The following CFAP77 variants were observed in gnomAD, a reference collection of about 807,000 sequenced individuals.
The protein encoded by CFAP77 is cilia and flagella associated protein 77.
In CFAP77, 25 loss-of-function variants were observed where a neutral mutation model predicts 31.1. The observed-to-expected ratio is 0.80, with a 90% CI of 0.59 to 1.12. The LOEUF (loss-of-function observed/expected upper bound fraction) is 1.12. CFAP77 is among the 50% of genes most tolerant of loss of function. The pLI is 0.00. For missense variants in CFAP77, 377 were observed against 397.3 expected (o/e 0.95, Z 0.44); for synonymous variants, 151 against 159.9 (o/e 0.94, Z 0.42).
intron 5 of CFAP77, among the ~76,000 whole-genome samples, chr9:132,546,650 G>C (rs903561294): frequency 6.6e-6 from 1 of 152,240 alleles, no homozygotes; most frequent in South Asian, 2.1e-4. Context: ...CGAGAGAGGA[G>C]AGGGACCAAA....
At position 132,539,294 on chromosome 9, in the gene CFAP77, TCACAACCAGCACCCTCCCCAAG is replaced by T. The variant is rs1475598523; in HGVS notation, c.630+1590_630+1611del. ...CCGGCGTGGCTAGTTGTCATGACAA[TCACAACCAGCACCCTCCCCAAG>T]CCTCTGAGCTGAGGGCTGGGCTGAG... On this transcript the variant is annotated intron_variant, in intron 4 of 5. Coordinates refer to ENST00000393216, the MANE Select transcript of CFAP77 (RefSeq NM_001282957.2). This position sits in a 1 kb window ranked among gnomAD's most constrained non-coding sequence, Gnocchi z 4.3. Among the ~76,000 whole-genome samples the T allele has an allele frequency of 6.6e-6, 1 of 151,934 alleles. No individual in the cohort carries two copies. Among genetic ancestry groups the T allele is most frequent in the Non-Finnish European group, 1.5e-5 (1 of 67,970 alleles).
chr9:132,531,068 A>G (rs1056880431), intron 3 of CFAP77, among the ~76,000 whole-genome samples: 3 of 152,098 alleles, frequency 2.0e-5, no homozygotes, highest in East Asian at 3.9e-4. Context: ...TTGAATTGCA[A>G]TCTCCCTCCA....
At chr9:132,456,947 G>T (rs1850927629) in intron 1 of CFAP77, among the ~76,000 whole-genome samples, 1 of 151,958 alleles carries the variant, frequency 6.6e-6, no homozygotes, top group Non-Finnish European at 1.5e-5. Flanking sequence ...TCACCAAGTT[G>T]TTGCTCAGGC....
At chr9:132,461,255 G>A (rs1851045271) in intron 1 of CFAP77, among the ~76,000 whole-genome samples, 2 of 152,174 alleles carry the variant, frequency 1.3e-5, no homozygotes, top group Non-Finnish European at 2.9e-5. Context: ...TGGGCAAAGC[G>A]CCCCTCGTTT....
In CFAP77 at chr9:132,498,279, G is replaced by A. The variant is rs1379843311; in HGVS notation, c.196-416G>A. Among the ~76,000 whole-genome samples the A allele has an allele frequency of 1.3e-5, 2 of 152,072 alleles. No individual in the cohort carries two copies. The highest frequency in any genetic ancestry group is 2.4e-5 in the African/African-American group (1 of 41,382). ...TGGTATGAGGAAGGTGGGAATGAAG[G>A]TAGGAAAGATGTCTCCTTCCTTCGA... On this transcript the variant is annotated intron_variant, in intron 1 of 5. Coordinates refer to ENST00000393216, the MANE Select transcript of CFAP77 (RefSeq NM_001282957.2). The surrounding 1 kb of genome is among the most constrained non-coding windows in gnomAD (Gnocchi z 4.2).
chr9:132,433,859 C>A (rs1291175090), intron 1 of CFAP77, among the ~76,000 whole-genome samples: 1 of 150,540 alleles, frequency 6.6e-6, no homozygotes, highest in East Asian at 2.0e-4. Context: ...ATTTATTCAT[C>A]TTTTAAAACC....
At chr9:132,420,754 T>C (rs2131679806) in intron 1 of CFAP77, among the ~76,000 whole-genome samples, 1 of 152,116 alleles carries the variant, frequency 6.6e-6, no homozygotes, top group South Asian at 2.1e-4. Context: ...GAGCACATAA[T>C]GTGTACCAGG....
At chr9:132,515,092 C>T (rs576410792) in intron 3 of CFAP77, among the ~76,000 whole-genome samples, 33 of 152,280 alleles carry the variant, frequency 2.2e-4, no homozygotes, top group African/African-American at 7.9e-4. Flanking sequence ...GCCAGAACCA[C>T]TTGGCGGGGG....
At chr9:132,427,614 C>CA (rs891285807) in intron 1 of CFAP77, among the ~76,000 whole-genome samples, 67 of 149,956 alleles carry the variant, frequency 4.5e-4, no homozygotes, top group South Asian at 3.8e-3. Flanking sequence ...GACTCTGTCT[C>CA]AAAAAAAAAC....
At chr9:132,450,172 T>C (rs1397724422) in intron 1 of CFAP77, among the ~76,000 whole-genome samples, 3 of 151,332 alleles carry the variant, frequency 2.0e-5, no homozygotes, top group South Asian at 2.1e-4. Context: ...CCTTGTGATC[T>C]GCCCGCCTCG....
chr9:132,525,194 G>A (rs1852337762), intron 3 of CFAP77, among the ~76,000 whole-genome samples: 1 of 151,640 alleles, frequency 6.6e-6, no homozygotes, highest in Non-Finnish European at 1.5e-5. Flanking sequence ...TGATTTTTGT[G>A]TTTTTAGTAG....
chr9:132,426,626 A>G (rs1040926828), intron 1 of CFAP77, among the ~76,000 whole-genome samples: 18 of 152,156 alleles, frequency 1.2e-4, no homozygotes, highest in African/African-American at 4.3e-4. Flanking sequence ...TTTATTAACC[A>G]TCATCGTCTA....
chr9:132,481,513 C>T lies in CFAP77; in HGVS notation c.196-17182C>T, dbSNP rs904358514. On this transcript the variant is annotated intron_variant, in intron 1 of 5. Transcript: ENST00000393216. This position sits in a 1 kb window ranked among gnomAD's most constrained non-coding sequence, Gnocchi z 5.0. ...AGGTACCGAGCACAGTGGCTTGCACCCCGTCGGTGGCTGCTGCCCCGCTCC... is the reference window on the plus strand; with the variant it reads ...AGGTACCGAGCACAGTGGCTTGCACTCCGTCGGTGGCTGCTGCCCCGCTCC... Among the ~76,000 whole-genome samples, 1 of 152,210 alleles carries T rather than the reference C, an allele frequency of 6.6e-6. No individual in the cohort carries two copies. The highest frequency in any genetic ancestry group is 2.4e-5 in the African/African-American group (1 of 41,452).
chr9:132,491,002 T>TGG (rs1380658026), intron 1 of CFAP77, among the ~76,000 whole-genome samples: 3 of 152,010 alleles, frequency 2.0e-5, no homozygotes, highest in Non-Finnish European at 2.9e-5. Context: ...TGAGTGAGCA[T>TGG]GGGTGTGTGT....
chr9:132,572,277 C>T (rs1829968141), intron 5 of CFAP77, 111 bp from the exon 6 acceptor site: 1 of 1,331,274 alleles, frequency 7.5e-7, no homozygotes, highest in Non-Finnish European at 1.0e-6. Context: ...CCTCTTACAG[C>T]TATTTTTATC....
chr9:132,448,998 T>C (rs1023640886), intron 1 of CFAP77, among the ~76,000 whole-genome samples: 2 of 152,112 alleles, frequency 1.3e-5, no homozygotes, highest in Admixed American at 6.6e-5. Flanking sequence ...GATGAGGTTA[T>C]GGGAAAAGCC....
rs1851768497 is a variant in CFAP77 at position 132,497,774 on chromosome 9, C to T, written c.196-921C>T. On this transcript the variant is annotated intron_variant, in intron 1 of 5. Transcript: ENST00000393216. This position sits in a 1 kb window ranked among gnomAD's most constrained non-coding sequence, Gnocchi z 4.9. ...TGAGGGAAGGCCAGGGAGCCCCAAA[C>T]ATTGTGCCTGGGATGCAGTCCGAAC... Among the ~76,000 whole-genome samples, 1 of 152,182 alleles carries T rather than the reference C, an allele frequency of 6.6e-6. No homozygotes were observed. Among genetic ancestry groups the T allele is most frequent in the Non-Finnish European group, 1.5e-5 (1 of 68,026 alleles).
chr9:132,486,018 A>ATATATATATGTATGTATG (rs1554742550), intron 1 of CFAP77, among the ~76,000 whole-genome samples: 1 of 37,560 alleles, frequency 2.7e-5, no homozygotes, highest in African/African-American at 2.8e-4. Flanking sequence ...ATATATATAT[A>ATATATATATGTATGTATG]TATATATATA....
At chr9:132,486,094 T>A (rs1489979900) in intron 1 of CFAP77, among the ~76,000 whole-genome samples, 39 of 75,422 alleles carry the variant, frequency 5.2e-4, no homozygotes, top group Middle Eastern at 5.6e-3. Context: ...ATATATATTT[T>A]TTTTTTTTTT....
Sources: allele counts gnomAD v4.1 joint callset (sites outside exome capture counted in the v4.1 genomes callset), GRCh38; gene constraint gnomAD v4.1.1; non-coding constraint Gnocchi (gnomAD v3.1); transcripts MANE v1.5; gene names NCBI Gene and HGNC (gene_info 2026-07-23, HGNC 2026-07-21).